Variants in MN1 observed in about 807,000 individuals in gnomAD.
MN1 encodes the protein transcriptional activator MN1.
Under a neutral mutation model 86.9 loss-of-function variants are expected in MN1, and 19 were observed. That is an observed-to-expected ratio of 0.22 (90% CI 0.15 to 0.32). The LOEUF (loss-of-function observed/expected upper bound fraction) is 0.32. MN1 is among the 10% of genes least tolerant of loss of function. The pLI, the probability that MN1 is intolerant of heterozygous loss-of-function variation, is 1.00. For synonymous variants in MN1, 928 were observed against 849.6 expected, an observed-to-expected ratio of 1.09 and a Z score of -1.60; for missense variants, 1,841 against 1,862.0, an observed-to-expected ratio of 0.99 and a Z score of 0.21.
Position 27,774,707 on chromosome 22 carries a change from C to T in MN1, c.3781+22056G>A, listed in dbSNP as rs965742562. Among the ~76,000 whole-genome samples, 6 of 152,166 alleles carry T rather than the reference C, an allele frequency of 3.9e-5. No homozygotes were observed. The East Asian group carries it at 7.7e-4, about 20-fold the overall frequency. On this transcript the variant is annotated intron_variant, in intron 1 of 1. Transcript: ENST00000302326. ...TCTGCGCATGAACGGGTTTCGTGCC[C>T]GCAGAACCCCAGGGGGTTGACACTG...
Position 27,797,937 on chromosome 22 carries a change from T to C in MN1, c.2607A>G (p.Ala869=). ...AATCCGAGCCCGGGTTGCCGGCCAC[T>C]GCCGCGCCGTCGGTCTCGTTCTGGC... The part of the protein sequence containing the change: ...KLSQNETDGA[A]VAGNPGSDYF... Residue 869 remains alanine (A), a synonymous_variant, in exon 1 of 2, where the codon GCA becomes GCG. Transcript: ENST00000302326. 4 of 1,597,472 alleles carry C rather than the reference T, an allele frequency of 2.5e-6. No individual in the cohort carries two copies. The highest frequency in any genetic ancestry group is 3.4e-6 in the Non-Finnish European group (4 of 1,171,508).
rs1173937351 is a variant in MN1, at chr22:27,748,669, CTTTTGCTTAAGGCTATT to C, written c.*2229_*2245del. On this transcript the variant is annotated 3_prime_UTR_variant, in exon 2 of 2. Coordinates refer to ENST00000302326, the MANE Select transcript of MN1 (RefSeq NM_002430.3). ...AAACCAAATTTAATGAAATAACATCCTTTTGCTTAAGGCTATTTTTAAAGCTGTTTCATTCTGGGGTC... is the reference window on the plus strand; with the variant it reads ...AAACCAAATTTAATGAAATAACATCCTTTAAAGCTGTTTCATTCTGGGGTC... 4.7e-6 allele frequency: 1 copy of C among 213,400 alleles called. No homozygotes were observed. The highest frequency in any genetic ancestry group is 9.5e-6 in the Non-Finnish European group (1 of 105,330). 13.2% of individuals were successfully genotyped at this position (213,400 alleles called of 1,614,324 possible).
chr22:27,767,931 G>C (rs1483019603), intron 1 of MN1, among the ~76,000 whole-genome samples: 3 of 152,180 alleles, frequency 2.0e-5, no homozygotes, highest in South Asian at 4.1e-4. Context: ...TTCAAAGGCA[G>C]GGACTGTTAT....
intron 1 of MN1, among the ~76,000 whole-genome samples, chr22:27,778,251 A>AT (rs1489749018): frequency 3.3e-5 from 5 of 152,182 alleles, no homozygotes; most frequent in African/African-American, 4.8e-5. Flanking sequence ...AAAATGCACA[A>AT]TTTTTGTCTC....
chr22:27,758,490 G>C (rs1932815065), intron 1 of MN1, among the ~76,000 whole-genome samples: 1 of 152,196 alleles, frequency 6.6e-6, no homozygotes, highest in South Asian at 2.1e-4. Flanking sequence ...GCTGGCTTCA[G>C]GGATGTGCTC....
chr22:27,797,121 G>A lies in MN1; in HGVS notation c.3423C>T (p.Ser1141=), dbSNP rs769400980. ...TCTCGTCGGGTGGCGGGGCGCCGCT[G>A]CTGCTCGTCGGGGTGCGGACCTGCT... ...GLEQVRTPTS[S]SGAPPPDEIH... The change falls in exon 1 of 2, where the codon AGC becomes AGT. Residue 1141 remains serine, a synonymous_variant. Coordinates refer to ENST00000302326, the MANE Select transcript of MN1 (RefSeq NM_002430.3). The A allele has an allele frequency of 6.3e-7, 1 of 1,586,468 alleles. No individual in the cohort carries two copies. The highest frequency in any genetic ancestry group is 1.7e-4 in the Middle Eastern group (1 of 6,030).
intron 1 of MN1, among the ~76,000 whole-genome samples, chr22:27,788,226 G>A (rs45440594): frequency 3.8e-4 from 58 of 152,068 alleles, no homozygotes; most frequent in African/African-American, 1.1e-3. Context: ...AAAATACGCC[G>A]CACCCCAATT....
At chr22:27,751,623 C>T (rs1932765434) in intron 1 of MN1, among the ~76,000 whole-genome samples, 1 of 152,148 alleles carries the variant, frequency 6.6e-6, no homozygotes, top group Non-Finnish European at 1.5e-5. Flanking sequence ...TGCCAGACTG[C>T]ATACCAACTC....
At chr22:27,757,470 C>A (rs573428527) in intron 1 of MN1, among the ~76,000 whole-genome samples, 1 of 152,302 alleles carries the variant, frequency 6.6e-6, no homozygotes, top group African/African-American at 2.4e-5. Flanking sequence ...CAATCCCAGG[C>A]AGAGCTTGAG....
In MN1 at chr22:27,800,124, G is replaced by C. The variant is rs1933404358; in HGVS notation, c.420C>G (p.Ala140=). The C allele has an allele frequency of 1.3e-6, 2 of 1,568,742 alleles. No homozygotes were observed. Among genetic ancestry groups the C allele is most frequent in the East Asian group, 2.3e-5 (1 of 43,436 alleles). ...AGGGCGGCTGGCTGCCCAGGCCTCC[G>C]GCTGCGCCGCCGTAGCCGAGCAGGC... ...GGRLLGYGGA[A]GGLGSQPPFA... Residue 140 remains alanine (A), a synonymous_variant, in exon 1 of 2, where the codon GCC becomes GCG. Transcript: ENST00000302326.
rs367740828 is a variant in MN1 at position 27,751,092 on chromosome 22, G to A, written c.3786C>T (p.His1262=). 60 of 1,571,988 alleles carry A rather than the reference G, an allele frequency of 3.8e-5. No individual in the cohort carries two copies. Among genetic ancestry groups the A allele is most frequent in the South Asian group, 2.4e-4 (21 of 86,348 alleles). ...KPQNPNSKEA[H]DLPANKASAS... ...CTGAGGCCTTGTTTGCAGGGAGGTC[G>A]TGGGCTGTGGAGAGAGAAGGAAGAG... Residue 1262 remains histidine (H), a synonymous_variant, in exon 2 of 2, where the codon CAC becomes CAT. Transcript: ENST00000302326.
chr22:27,777,229 C>T (rs1159201228), intron 1 of MN1, among the ~76,000 whole-genome samples: 2 of 152,096 alleles, frequency 1.3e-5, no homozygotes, highest in East Asian at 1.9e-4. Context: ...TGGAGAGAGA[C>T]GCAAGCAAGA....
chr22:27,752,152 T>C (rs1043556337), intron 1 of MN1, among the ~76,000 whole-genome samples: 1 of 152,092 alleles, frequency 6.6e-6, no homozygotes, highest in Non-Finnish European at 1.5e-5. Flanking sequence ...GAGAATCCAG[T>C]TGTAGCTCCG....
rs750490054 is a variant in MN1 at position 27,799,274 on chromosome 22, C to T, written c.1270G>A (p.Glu424Lys). 2 of 1,582,318 alleles carry T rather than the reference C, an allele frequency of 1.3e-6. No individual in the cohort carries two copies. The highest frequency in any genetic ancestry group is 1.3e-5 in the African/African-American group (1 of 74,194). Residue 424 changes from glutamate (E) to lysine (K), a missense_variant, in exon 1 of 2, where the codon GAG becomes AAG. Coordinates refer to ENST00000302326, the MANE Select transcript of MN1 (RefSeq NM_002430.3). ...GGATGCTGCATGCTGAAAACAGGCT[C>T]GGAATAAGGGTGCATGCTCCGGTTC... ...LENRSMHPYS[E>K]PVFSMQHPPP...
rs559833431 is a variant in MN1, at chr22:27,776,731, G to GC, written c.3781+20031dup. Among the ~76,000 whole-genome samples, 441 of 151,942 alleles carry GC rather than the reference G, an allele frequency of 2.9e-3. 4 individuals carry two copies. The highest frequency in any genetic ancestry group is 9.9e-3 in the African/African-American group (411 of 41,454). On this transcript the variant is annotated intron_variant, in intron 1 of 1. Transcript: ENST00000302326. ...TGGAATATAAATTGGAAGCATACAT[G>GC]CCCCCCCTCACCCGCCCCAACTCGG...
Position 27,798,892 on chromosome 22 carries a change from C to A in MN1, c.1652G>T (p.Arg551Leu). The change falls in exon 1 of 2, where the codon CGC becomes CTC. Residue 551 changes from arginine to leucine, a missense_variant. Physicochemically the swap from Arg to Leu is moderately radical, Grantham distance 102. Transcript: ENST00000302326. The part of the protein sequence containing the change: ...QQQQQQQQQQ[R>L]QNAALMIKQM... ...CTTAATCATGAGGGCCGCGTTTTGG[C>A]GCTGCTGCTGCTGCTGCTGTTGCTG... 6.5e-7 allele frequency: 1 copy of A among 1,549,962 alleles called. No individual in the cohort carries two copies. Among genetic ancestry groups the A allele is most frequent in the Non-Finnish European group, 8.7e-7 (1 of 1,148,582 alleles).
At position 27,750,621 on chromosome 22, in the gene MN1, G is replaced by C. The variant is rs1341784381; in HGVS notation, c.*294C>G. The C allele has an allele frequency of 1.0e-5, 3 of 292,780 alleles. No individual in the cohort carries two copies. Among genetic ancestry groups the C allele is most frequent in the African/African-American group, 6.4e-5 (3 of 46,888 alleles). 18.1% of individuals were successfully genotyped at this position (292,780 alleles called of 1,614,324 possible). A position where few individuals can be genotyped will look rare whatever the true frequency, so the allele number is the denominator to read the frequency against. On this transcript the variant is annotated 3_prime_UTR_variant, in exon 2 of 2. Coordinates refer to ENST00000302326, the MANE Select transcript of MN1 (RefSeq NM_002430.3). The stretch of plus-strand genomic sequence containing the variant: ...ATTACCGAAACATGGGGAGTATCTA[G>C]AGGAAAAAGGCTTAAGCAAAAGTTT...
intron 1 of MN1, among the ~76,000 whole-genome samples, chr22:27,767,935 C>T (rs1486694546): frequency 6.6e-6 from 1 of 152,134 alleles, no homozygotes; most frequent in Non-Finnish European, 1.5e-5. Flanking sequence ...AAGGCAGGGA[C>T]TGTTATTCCT....
In MN1 at chr22:27,782,329, G is replaced by A. The variant is rs568998352; in HGVS notation, c.3781+14434C>T. 1.3e-4 allele frequency among the ~76,000 whole-genome samples: 20 copies of A among 152,268 alleles called. 1 individual carries two copies. The East Asian group carries it at 3.3e-3, about 25-fold the overall frequency. ...GGGCAGTGGGTCCCAGCCCGGCCCC[G>A]CCCTATGACATTGTGACATTTACTG... On this transcript the variant is annotated intron_variant, in intron 1 of 1. Transcript: ENST00000302326.
Sources: allele counts gnomAD v4.1 joint callset (sites outside exome capture counted in the v4.1 genomes callset), GRCh38; gene constraint gnomAD v4.1.1; transcripts MANE v1.5; gene names NCBI Gene and HGNC (gene_info 2026-07-23, HGNC 2026-07-21).